Variants in PGRMC2 observed in about 807,000 individuals in gnomAD.
The protein encoded by PGRMC2 is membrane-associated progesterone receptor component 2.
A neutral mutation model predicts 19.3 loss-of-function variants in PGRMC2; 9 were observed. That is an observed-to-expected ratio of 0.47 (90% CI 0.28 to 0.81). PGRMC2 has a LOEUF of 0.81. PGRMC2 is among the 40% of genes least tolerant of loss of function. The probability of loss-of-function intolerance (pLI) is 0.11; values close to 1 mark genes in which losing one functional copy is unlikely to be tolerated. For missense variants in PGRMC2, 289 were observed against 297.3 expected (o/e 0.97, Z 0.21); for synonymous variants, 157 against 124.6 (o/e 1.26, Z -1.73).
intron 1 of PGRMC2, among the ~76,000 whole-genome samples, chr4:128,284,638 T>G (rs1465862003): frequency 6.6e-6 from 1 of 152,202 alleles, no homozygotes; most frequent in Non-Finnish European, 1.5e-5. Context: ...ATGTTTAGCA[T>G]TATGGAAAAA....
intron 2 of PGRMC2, 113 bp from the exon 3 acceptor site, chr4:128,271,526 A>G (rs1291369930): frequency 1.8e-6 from 1 of 565,304 alleles, no homozygotes; most frequent in African/African-American, 1.9e-5. Context: ...GATTATTAGA[A>G]TATTATCTAA....
intron 2 of PGRMC2, among the ~76,000 whole-genome samples, chr4:128,272,027 CAA>C (rs1280350058): frequency 6.6e-6 from 1 of 152,150 alleles, no homozygotes; most frequent in East Asian, 1.9e-4. Context: ...GAATTTGTAA[CAA>C]GTCATTTTTT....
At chr4:128,272,095 T>A (rs1760739311) in intron 2 of PGRMC2, among the ~76,000 whole-genome samples, 2 of 152,202 alleles carry the variant, frequency 1.3e-5, no homozygotes. Context: ...TTTATTTAGC[T>A]ATTTTTTGCA....
chr4:128,280,352 G>GA (rs747302016), intron 1 of PGRMC2, among the ~76,000 whole-genome samples: 36,579 of 60,148 alleles, frequency 0.61, 11,869 homozygotes, highest in South Asian at 0.78. Flanking sequence ...AAATTTTCTG[G>GA]GAAAAAAAAA....
rs2110567298 is a variant in PGRMC2, at chr4:128,287,693, G to A, written c.98C>T (p.Ala33Val). 2 of 1,523,854 alleles carry A rather than the reference G, an allele frequency of 1.3e-6. 1 individual carries two copies. Among genetic ancestry groups the A allele is most frequent in the South Asian group, 2.4e-5 (2 of 83,840 alleles). 94.4% of individuals were successfully genotyped at this position (1,523,854 alleles called of 1,614,324 possible). A position where few individuals can be genotyped will look rare whatever the true frequency, so the allele number is the denominator to read the frequency against. The change falls in exon 1 of 3, where the codon GCG becomes GTG. Residue 33 changes from alanine (A) to valine (V), a missense_variant. By Grantham distance (64) the Ala-to-Val change is moderately conservative (BLOSUM62 0). Coordinates refer to ENST00000296425, the MANE Select transcript of PGRMC2 (RefSeq NM_006320.6). ...CGCCCAGCCTCCCCCTTCCGCTGCC[G>A]CTCCCGCGTCGCCTGGACTCTCGCT... Reference protein sequence around the residue: ...GGSESPGDAGAAAEGGGWAAA... With the variant: ...GGSESPGDAGVAAEGGGWAAA...
At chr4:128,274,515 G>GAAA (rs34809072) in intron 1 of PGRMC2, among the ~76,000 whole-genome samples, 2 of 52,902 alleles carry the variant, frequency 3.8e-5, no homozygotes, top group Non-Finnish European at 3.6e-5. Flanking sequence ...CTTCTCCAAA[G>GAAA]AAAAAAAAAA....
chr4:128,280,481 G>T (rs1253402810), intron 1 of PGRMC2, among the ~76,000 whole-genome samples: 1 of 149,710 alleles, frequency 6.7e-6, no homozygotes, highest in Non-Finnish European at 1.5e-5. Flanking sequence ...AAGACAAAAA[G>T]ATCTCAACTA....
chr4:128,278,710 A>T (rs1760854957), intron 1 of PGRMC2, among the ~76,000 whole-genome samples: 1 of 152,226 alleles, frequency 6.6e-6, no homozygotes, highest in African/African-American at 2.4e-5. Context: ...AAACAATTTT[A>T]AGTGCATAAA....
At chr4:128,273,292 T>C (rs1343928894) in intron 1 of PGRMC2, among the ~76,000 whole-genome samples, 2 of 152,214 alleles carry the variant, frequency 1.3e-5, no homozygotes, top group Non-Finnish European at 2.9e-5. Context: ...TAGCATTTTA[T>C]CCAAGGAATT....
At chr4:128,272,724 G>GTA (rs1760752400) in intron 1 of PGRMC2, 1 of 372,076 alleles carries the variant, frequency 2.7e-6, no homozygotes, top group African/African-American at 2.1e-5. Context: ...TTTGACCCAA[G>GTA]TAAAGCTTTT....
chr4:128,282,409 C>A (rs1396627361), intron 1 of PGRMC2, among the ~76,000 whole-genome samples: 1 of 152,190 alleles, frequency 6.6e-6, no homozygotes, highest in Non-Finnish European at 1.5e-5. Flanking sequence ...AAATCTACTC[C>A]TTTCTTCCAC....
At chr4:128,287,075 C>CA (rs1235750186) in intron 1 of PGRMC2, among the ~76,000 whole-genome samples, 76 of 143,594 alleles carry the variant, frequency 5.3e-4, no homozygotes, top group South Asian at 2.5e-3. Context: ...GCCAAAGAAA[C>CA]AAAAAAAAAA....
intron 1 of PGRMC2, among the ~76,000 whole-genome samples, chr4:128,276,049 T>A (rs2110559952): frequency 6.6e-6 from 1 of 152,302 alleles, no homozygotes. Context: ...TTAAAGAATA[T>A]AACATTAGGA....
intron 1 of PGRMC2, among the ~76,000 whole-genome samples, chr4:128,285,216 C>A (rs1381227661): frequency 6.6e-6 from 1 of 152,188 alleles, no homozygotes; most frequent in Admixed American, 6.5e-5. Context: ...ACCCCCACCT[C>A]CCGGGTTCCA....
At chr4:128,286,888 A>T in intron 1 of PGRMC2, 1 of 394,996 alleles carries the variant, frequency 2.5e-6, no homozygotes, top group Non-Finnish European at 4.5e-6. Context: ...CAAAAAAAAA[A>T]AAAAAGGGGG....
chr4:128,287,197 G>C (rs1385610873), intron 1 of PGRMC2, 176 bp downstream of exon 1: 12 of 592,332 alleles, frequency 2.0e-5, no homozygotes, highest in Non-Finnish European at 3.4e-5. Context: ...GTAGCTGCGG[G>C]GGGACGGTGT....
At chr4:128,279,991 G>A (rs946714807) in intron 1 of PGRMC2, among the ~76,000 whole-genome samples, 28 of 151,974 alleles carry the variant, frequency 1.8e-4, no homozygotes, top group African/African-American at 6.3e-4. Flanking sequence ...TTTAACTTAC[G>A]TGAGGCCCTA....
In PGRMC2 at chr4:128,271,333, G is replaced by A. The variant is rs370515658; in HGVS notation, c.655C>T (p.His219Tyr). Residue 219 changes from histidine to tyrosine, a missense_variant, in exon 3 of 3, where the codon CAC (histidine) becomes TAC (tyrosine). By Grantham distance (83) the His-to-Tyr change is moderately conservative. Coordinates refer to ENST00000296425, the MANE Select transcript of PGRMC2 (RefSeq NM_006320.6). ...TACAAAGTTCAATCCTGTTTATTGTGATCCTTGGTATCTTCTTCATCTGTA... is the reference window on the plus strand; with the variant it reads ...TACAAAGTTCAATCCTGTTTATTGTAATCCTTGGTATCTTCTTCATCTGTA... ...EYTDEEDTKD[H>Y]NKQD 2 of 1,593,560 alleles carry A rather than the reference G, an allele frequency of 1.3e-6. No individual in the cohort carries two copies. The highest frequency in any genetic ancestry group is 2.2e-5 in the South Asian group (2 of 90,362).
chr4:128,270,776 GA>G lies in PGRMC2; in HGVS notation c.*539del, dbSNP rs1421412765. ...TTCTTTTCCCTGACAAAGCCAAAAAGAAAAGTTTGGGAATTCACATTTTAAT... is the reference window on the plus strand; with the variant it reads ...TTCTTTTCCCTGACAAAGCCAAAAAGAAAGTTTGGGAATTCACATTTTAAT... On this transcript the variant is annotated 3_prime_UTR_variant, in exon 3 of 3. Transcript: ENST00000296425. 2 of 152,072 alleles carry G rather than the reference GA, an allele frequency of 1.3e-5. No individual in the cohort carries two copies. Among genetic ancestry groups the G allele is most frequent in the Non-Finnish European group, 2.9e-5 (2 of 67,992 alleles). The allele number at this position is 152,072 out of a possible 1,614,324, so 9.4% of individuals were successfully genotyped here. A position where few individuals can be genotyped will look rare whatever the true frequency, so the allele number is the denominator to read the frequency against.
Sources: gnomAD v4.1 joint callset for allele counts (sites outside exome capture counted in the v4.1 genomes callset) on GRCh38, gnomAD v4.1.1 for gene constraint, MANE v1.5 for transcripts, NCBI Gene and HGNC (gene_info 2026-07-23, HGNC 2026-07-21) for gene names.